Variants in NUP98 observed in about 807,000 individuals in gnomAD.
The protein encoded by NUP98 is nucleoporin 98 and 96 precursor, also known as nuclear pore complex protein Nup98-Nup96.
NUP98 carries 26 observed loss-of-function variants against 191.9 expected under a neutral mutation model. The ratio of observed to expected loss-of-function variants is 0.14; its 90% CI spans 0.10 to 0.19. NUP98 has a LOEUF of 0.19. Among genes scored for constraint, NUP98 ranks in the 10% least tolerant of loss-of-function variants. The pLI is 1.00. For missense variants in NUP98, 1,941 were observed against 2,178.8 expected (o/e 0.89, Z 2.17); for synonymous variants, 808 against 778.4 (o/e 1.04, Z -0.63).
intron 11 of NUP98, 79 bp downstream of exon 11, chr11:3,753,237 T>C: frequency 8.3e-7 from 1 of 1,197,830 alleles, no homozygotes. Flanking sequence ...AGTAACATAA[T>C]CAAACAGATC....
At chr11:3,733,145 C>A (rs767053952) in intron 13 of NUP98, among the ~76,000 whole-genome samples, 2 of 152,144 alleles carry the variant, frequency 1.3e-5, no homozygotes, top group Non-Finnish European at 2.9e-5. Flanking sequence ...CTATCTGATT[C>A]CTGAAAACTT....
In NUP98 at chr11:3,725,223, T is replaced by A; in HGVS notation, c.1731-4A>T. The A allele has an allele frequency of 7.2e-7, 1 of 1,381,220 alleles. No homozygotes were observed. The allele number at this position is 1,381,220 out of a possible 1,614,324, so 85.6% of individuals were successfully genotyped here. A position where few individuals can be genotyped will look rare whatever the true frequency, so the allele number is the denominator to read the frequency against. ...AACCAACTTCTTAATGCTCTTCCTA[T>A]AAACAAGAAACCAAAAGAAGAAGAA... is the stretch of plus-strand genomic sequence containing the variant. On this transcript the variant is annotated splice_region_variant and splice_polypyrimidine_tract_variant and intron_variant, in intron 14 of 32. Coordinates refer to ENST00000324932, the MANE Select transcript of NUP98 (RefSeq NM_016320.5).
chr11:3,702,313 ACTCTCTCTCT>A (rs71041375), intron 23 of NUP98, 140 bp downstream of exon 23: 8,189 of 340,172 alleles, frequency 0.024, 121 homozygotes, highest in African/African-American at 0.036. Flanking sequence ...ACACACACAC[ACTCTCTCTCT>A]CTCTCTCTCT....
intron 1 of NUP98, among the ~76,000 whole-genome samples, chr11:3,794,372 GTGCAGTGGCACAA>G (rs1307624849): frequency 9.2e-5 from 14 of 151,984 alleles, no homozygotes; most frequent in African/African-American, 3.4e-4. Context: ...CCAGGCTGGA[GTGCAGTGGCACAA>G]TCTTGGCTCA....
Position 3,725,140 on chromosome 11 carries a change from G to C in NUP98, c.1810C>G (p.Leu604Val). ...TCTGGATATTCAGATGGTGAAGCTA[G>C]ATTTTCTGAATCACGATTAACAGGA... Reference protein sequence around the residue: ...FSPVNRDSENLASPSEYPENG... With the variant: ...FSPVNRDSENVASPSEYPENG... Residue 604 changes from leucine (L) to valine (V), a missense_variant, in exon 15 of 33, where the codon CTA becomes GTA. By Grantham distance (32) the Leu-to-Val change is conservative (BLOSUM62 1). Transcript: ENST00000324932. 6.3e-7 allele frequency: 1 copy of C among 1,597,992 alleles called. No individual in the cohort carries two copies. The highest frequency in any genetic ancestry group is 1.3e-5 in the African/African-American group (1 of 74,666).
chr11:3,750,140 A>T (rs1298908353), intron 11 of NUP98, among the ~76,000 whole-genome samples: 1 of 152,032 alleles, frequency 6.6e-6, no homozygotes, highest in Admixed American at 6.6e-5. Context: ...ATACTAAATA[A>T]TTTTTTTTAG....
At chr11:3,724,384 C>T (rs974235062) in intron 15 of NUP98, among the ~76,000 whole-genome samples, 16 of 150,044 alleles carry the variant, frequency 1.1e-4, no homozygotes, top group Admixed American at 3.3e-4. Context: ...TACAGTGGGC[C>T]GAGATCGTGC....
chr11:3,795,261 G>A (rs186700529), intron 1 of NUP98, among the ~76,000 whole-genome samples: 21 of 152,166 alleles, frequency 1.4e-4, no homozygotes, highest in African/African-American at 5.1e-4. Context: ...GCAACATAGC[G>A]AAACCCTGTC....
At chr11:3,700,075 G>T (rs1250474070) in intron 24 of NUP98, among the ~76,000 whole-genome samples, 3 of 152,098 alleles carry the variant, frequency 2.0e-5, no homozygotes, top group Admixed American at 2.0e-4. Flanking sequence ...GCAAGAAGGG[G>T]CCGGGCTCGA....
In NUP98 at chr11:3,705,220, G is replaced by C. The variant is rs148016765; in HGVS notation, c.3062C>G (p.Ser1021Trp). The C allele has an allele frequency of 1.1e-5, 17 of 1,614,014 alleles. No homozygotes were observed. The highest frequency in any genetic ancestry group is 2.7e-5 in the African/African-American group (2 of 74,916). ...SPRLPISASHSSKTRSLVGGL... is the reference protein window; with the variant it reads ...SPRLPISASHWSKTRSLVGGL... ...TGTACCTAGTGAACGAGTTTTCGAC[G>C]AGTGGGATGCTGAAATGGGGAGTCT... The change falls in exon 22 of 33, where the codon TCG (serine) becomes TGG (tryptophan). Residue 1021 changes from serine to tryptophan, a missense_variant. Physicochemically the swap from Ser to Trp is radical, Grantham distance 177. Around this residue, in one of 6 missense-constraint regions of NUP98, gnomAD observed 1,030 missense variants for 1,115.8 expected, o/e 0.92. Transcript: ENST00000324932.
intron 11 of NUP98, among the ~76,000 whole-genome samples, chr11:3,750,802 C>CTATTT (rs1010006715): frequency 2.6e-5 from 4 of 152,024 alleles, no homozygotes; most frequent in Non-Finnish European, 5.9e-5. Flanking sequence ...CCATGCATAT[C>CTATTT]TATTTTATTT....
intron 12 of NUP98, among the ~76,000 whole-genome samples, chr11:3,741,199 C>T (rs2080275270): frequency 6.6e-6 from 1 of 151,848 alleles, no homozygotes; most frequent in Non-Finnish European, 1.5e-5. Flanking sequence ...TCCTGAAAAT[C>T]CAAGGAACAG....
intron 1 of NUP98, among the ~76,000 whole-genome samples, chr11:3,794,136 T>A (rs568294675): frequency 1.2e-4 from 19 of 152,206 alleles, no homozygotes; most frequent in African/African-American, 4.6e-4. Flanking sequence ...CTAAATATCC[T>A]ACAATATACA....
chr11:3,744,405 T>C, intron 12 of NUP98, 104 bp downstream of exon 12: 1 of 1,132,582 alleles, frequency 8.8e-7, no homozygotes, highest in Non-Finnish European at 1.2e-6. Flanking sequence ...GACATGCATG[T>C]ATGCAATGCC....
At chr11:3,715,058 C>G (rs978726914) in intron 18 of NUP98, among the ~76,000 whole-genome samples, 1 of 152,172 alleles carries the variant, frequency 6.6e-6, no homozygotes, top group African/African-American at 2.4e-5. Flanking sequence ...TTCCGGGAAC[C>G]ACCATACTGT....
rs997972948 is a variant in NUP98, at chr11:3,712,008, C to T, written c.2742+556G>A. ...GTAATTGCGATAAACAATGTAGGCC[C>T]TAATCTCCCCAAGCCAAATAATAAT... On this transcript the variant is annotated intron_variant, in intron 20 of 32. Coordinates refer to ENST00000324932, the MANE Select transcript of NUP98 (RefSeq NM_016320.5). The T allele has an allele frequency of 2.5e-5, 26 of 1,048,782 alleles. No individual in the cohort carries two copies. In the African/African-American group the frequency reaches 3.2e-4, roughly 13 times the overall value. 65.0% of individuals were successfully genotyped at this position (1,048,782 alleles called of 1,614,324 possible).
At chr11:3,719,843 T>C (rs2134208759) in intron 17 of NUP98, among the ~76,000 whole-genome samples, 1 of 151,420 alleles carries the variant, frequency 6.6e-6, no homozygotes, top group South Asian at 2.1e-4. Flanking sequence ...CACTGCAGCC[T>C]GAACCTCCTA....
Position 3,776,006 on chromosome 11 carries a change from G to C in NUP98, c.371C>G (p.Thr124Ser). 2.5e-6 allele frequency: 4 copies of C among 1,605,984 alleles called. No individual in the cohort carries two copies. The highest frequency in any genetic ancestry group is 2.2e-5 in the South Asian group (2 of 89,110). ...GGTTCCAAAGAGTCCTCCACTGCTA[G>C]TACTGGTTCCAAAATCTAAAAATAA... is the stretch of plus-strand genomic sequence containing the variant. ...PTGFGNFGTSTSSGGLFGTTN... is the reference protein window; with the variant it reads ...PTGFGNFGTSSSSGGLFGTTN... The change falls in exon 5 of 33, where the codon ACT becomes AGT. Residue 124 changes from threonine (T) to serine (S), a missense_variant. Coordinates refer to ENST00000324932, the MANE Select transcript of NUP98 (RefSeq NM_016320.5).
chr11:3,695,279 G>C, intron 26 of NUP98, among the ~76,000 whole-genome samples, 170 bp downstream of exon 26: 1 of 152,176 alleles, frequency 6.6e-6, no homozygotes, highest in East Asian at 1.9e-4. Context: ...TATACAACTA[G>C]ATTTTTAAAA....
Sources: allele counts gnomAD v4.1 joint callset (sites outside exome capture counted in the v4.1 genomes callset), GRCh38; gene constraint gnomAD v4.1.1; regional missense constraint gnomAD v4.1.1; transcripts MANE v1.5; gene names NCBI Gene and HGNC (gene_info 2026-07-23, HGNC 2026-07-21).